The following CHCHD6 variants were observed in gnomAD, a reference collection of about 807,000 sequenced individuals.
The protein encoded by CHCHD6 is coiled-coil-helix-coiled-coil-helix domain containing 6.
A neutral mutation model predicts 32.3 loss-of-function variants in CHCHD6; 28 were observed. The ratio of observed to expected loss-of-function variants is 0.87; its 90% CI spans 0.64 to 1.19. The LOEUF is 1.19. CHCHD6 is among the 50% of genes most tolerant of loss of function. The probability of loss-of-function intolerance (pLI) is 0.00; values close to 1 mark genes in which losing one functional copy is unlikely to be tolerated. For missense variants in CHCHD6, 333 were observed against 307.0 expected, an observed-to-expected ratio of 1.08 and a Z score of -0.63; for synonymous variants, 122 against 117.5, an observed-to-expected ratio of 1.04 and a Z score of -0.25.
intron 5 of CHCHD6, among the ~76,000 whole-genome samples, chr3:126,887,971 A>G (rs2077701455): frequency 6.6e-6 from 1 of 151,918 alleles, no homozygotes; most frequent in Non-Finnish European, 1.5e-5. Flanking sequence ...ACTAATATCC[A>G]CTTCCTAGCC....
At chr3:126,850,082 A>AT (rs796546939) in intron 4 of CHCHD6, among the ~76,000 whole-genome samples, 1 of 152,006 alleles carries the variant, frequency 6.6e-6, no homozygotes, top group East Asian at 1.9e-4. Context: ...TTCTACAGCC[A>AT]TTTTTCGTGT....
rs188787293 is a variant in CHCHD6, at chr3:126,759,629, G to A, written c.411+26407G>A. 2.6e-5 allele frequency among the ~76,000 whole-genome samples: 4 copies of A among 152,264 alleles called. No individual in the cohort carries two copies. The East Asian group carries it at 7.7e-4, about 29-fold the overall frequency. ...GATCTTTTCCTCATGATGAGGTTCA[G>A]GTTAAATGGTTTGGTCAAATAGGCG... On this transcript the variant is annotated intron_variant, in intron 4 of 7. Coordinates refer to ENST00000290913, the MANE Select transcript of CHCHD6 (RefSeq NM_032343.3).
At chr3:126,820,522 G>A (rs981550632) in intron 4 of CHCHD6, among the ~76,000 whole-genome samples, 1 of 152,208 alleles carries the variant, frequency 6.6e-6, no homozygotes, top group Non-Finnish European at 1.5e-5. Flanking sequence ...TGTGACGTCT[G>A]TGAGGTTCAC....
intron 4 of CHCHD6, among the ~76,000 whole-genome samples, chr3:126,747,305 T>C (rs183080595): frequency 6.6e-6 from 1 of 152,340 alleles, no homozygotes; most frequent in East Asian, 1.9e-4. Flanking sequence ...GAGAGACTTG[T>C]ATTTGCAGCT....
At chr3:126,712,132 C>T (rs1300139231) in intron 1 of CHCHD6, among the ~76,000 whole-genome samples, 1 of 152,148 alleles carries the variant, frequency 6.6e-6, no homozygotes, top group Non-Finnish European at 1.5e-5. Context: ...TGTAGATTTC[C>T]CGCTGGTGCG....
chr3:126,739,843 G>A (rs1482191047), intron 4 of CHCHD6, among the ~76,000 whole-genome samples: 1 of 152,078 alleles, frequency 6.6e-6, no homozygotes, highest in Non-Finnish European at 1.5e-5. Context: ...GTCACCTCTG[G>A]GTTTGGTTCT....
At chr3:126,929,213 C>G (rs1412548870) in intron 6 of CHCHD6, among the ~76,000 whole-genome samples, 2 of 152,334 alleles carry the variant, frequency 1.3e-5, no homozygotes, top group African/African-American at 4.8e-5. Flanking sequence ...GTCCCTGTCT[C>G]CTCTCCACCT....
intron 4 of CHCHD6, among the ~76,000 whole-genome samples, chr3:126,760,279 C>T (rs1279402970): frequency 6.6e-6 from 1 of 152,188 alleles, no homozygotes; most frequent in Non-Finnish European, 1.5e-5. Flanking sequence ...TTTCGTCCAA[C>T]AATTTTCTGC....
At chr3:126,869,288 CTTTTTTT>C (rs58408227) in intron 5 of CHCHD6, among the ~76,000 whole-genome samples, 4 of 108,702 alleles carry the variant, frequency 3.7e-5, no homozygotes, top group Admixed American at 2.9e-4. Context: ...CACCAGTCTC[CTTTTTTT>C]TTTTTTTTTT....
chr3:126,801,928 A>T (rs1417568716), intron 4 of CHCHD6, among the ~76,000 whole-genome samples: 3 of 152,194 alleles, frequency 2.0e-5, no homozygotes, highest in Non-Finnish European at 4.4e-5. Flanking sequence ...TTCTGCAGGC[A>T]CCGCTGCTGA....
chr3:126,852,844 C>G, intron 5 of CHCHD6, 114 bp downstream of exon 5: 1 of 692,608 alleles, frequency 1.4e-6, no homozygotes, highest in Non-Finnish European at 2.6e-6. Context: ...CCCATTCGCC[C>G]AGATGCCAGT....
chr3:126,809,644 A>AT (rs1438349426), intron 4 of CHCHD6, among the ~76,000 whole-genome samples: 2 of 152,068 alleles, frequency 1.3e-5, no homozygotes, highest in African/African-American at 4.8e-5. Context: ...AAGAAGATAA[A>AT]TTTTTTTCCC....
chr3:126,908,963 C>A (rs2078044524), intron 5 of CHCHD6, among the ~76,000 whole-genome samples: 1 of 152,222 alleles, frequency 6.6e-6, no homozygotes, highest in African/African-American at 2.4e-5. Flanking sequence ...GCGGTCTGAC[C>A]ACGGCATGCA....
intron 5 of CHCHD6, among the ~76,000 whole-genome samples, chr3:126,906,438 C>T (rs532795446): frequency 2.6e-5 from 4 of 152,334 alleles, no homozygotes; most frequent in African/African-American, 7.2e-5. Flanking sequence ...ACGGGCTCTG[C>T]GGCTTGAGGC....
chr3:126,834,877 G>C (rs1043177860), intron 4 of CHCHD6, among the ~76,000 whole-genome samples: 2 of 152,108 alleles, frequency 1.3e-5, no homozygotes, highest in African/African-American at 4.8e-5. Flanking sequence ...TGGGCAGGCA[G>C]GGTATAGAAA....
At chr3:126,783,858 G>T (rs1487880336) in intron 4 of CHCHD6, among the ~76,000 whole-genome samples, 2 of 152,036 alleles carry the variant, frequency 1.3e-5, no homozygotes, top group African/African-American at 4.8e-5. Flanking sequence ...TGGGAGGGGG[G>T]TCTGGTACAA....
chr3:126,867,462 C>G (rs1027061399), intron 5 of CHCHD6, among the ~76,000 whole-genome samples: 1 of 152,216 alleles, frequency 6.6e-6, no homozygotes, highest in African/African-American at 2.4e-5. Flanking sequence ...CCAGAAGTGC[C>G]TGTCCATCAT....
At chr3:126,730,421 T>C (rs1935738762) in intron 2 of CHCHD6, 140 bp from the exon 3 acceptor site, 1 of 665,568 alleles carries the variant, frequency 1.5e-6, no homozygotes, top group Non-Finnish European at 2.6e-6. Flanking sequence ...CTGTGGACGC[T>C]CCTTTGTGGG....
intron 5 of CHCHD6, among the ~76,000 whole-genome samples, chr3:126,914,087 G>A (rs2078134637): frequency 6.6e-6 from 1 of 152,196 alleles, no homozygotes; most frequent in Middle Eastern, 3.2e-3. Flanking sequence ...GAGTAGGGTG[G>A]TCAGGGTAGG....
Sources: allele counts gnomAD v4.1 joint callset (sites outside exome capture counted in the v4.1 genomes callset), GRCh38; gene constraint gnomAD v4.1.1; transcripts MANE v1.5; gene names NCBI Gene and HGNC (gene_info 2026-07-23, HGNC 2026-07-21).